Variants in BAZ2B observed in about 807,000 individuals in gnomAD.
BAZ2B encodes bromodomain adjacent to zinc finger domain 2B.
Under a neutral mutation model 246.0 loss-of-function variants are expected in BAZ2B, and 91 were observed. That is an observed-to-expected ratio of 0.37 (90% CI 0.31 to 0.44). BAZ2B has a LOEUF of 0.44. Ranked by LOEUF, BAZ2B falls within the 20% of genes least tolerant of loss-of-function variation. The pLI, the probability that BAZ2B is intolerant of heterozygous loss-of-function variation, is 1.00. For synonymous variants in BAZ2B, 855 were observed against 860.0 expected, an observed-to-expected ratio of 0.99 and a Z score of 0.10; for missense variants, 2,332 against 2,533.7, an observed-to-expected ratio of 0.92 and a Z score of 1.71.
the BAZ2B span, among the ~76,000 whole-genome samples, chr2:159,708,417 T>G: frequency 6.6e-6 from 1 of 152,208 alleles, no homozygotes; most frequent in Non-Finnish European, 1.5e-5. Flanking sequence ...AGGCCAGATA[T>G]TCTAGAGCAA....
chr2:159,462,418 A>G, intron 3 of BAZ2B: 1 of 1,266,768 alleles, frequency 7.9e-7, no homozygotes. Flanking sequence ...TTCTTTGCTA[A>G]TGTTGTAGCT....
chr2:159,680,813 A>T, the BAZ2B span, among the ~76,000 whole-genome samples: 5 of 152,160 alleles, frequency 3.3e-5, no homozygotes, highest in Admixed American at 3.3e-4. Flanking sequence ...TGTGCTACCA[A>T]CCTATTGCCC....
chr2:159,504,221 T>C (rs2082107929), intron 2 of BAZ2B, among the ~76,000 whole-genome samples: 1 of 152,144 alleles, frequency 6.6e-6, no homozygotes, highest in African/African-American at 2.4e-5. Context: ...TGCAGGTTAG[T>C]TACATATGTA....
chr2:159,352,312 T>C (rs2058650127), intron 27 of BAZ2B, among the ~76,000 whole-genome samples: 1 of 152,216 alleles, frequency 6.6e-6, no homozygotes, highest in African/African-American at 2.4e-5. Context: ...AGATTTTCTC[T>C]GATCACCTTA....
chr2:159,640,790 T>A, the BAZ2B span, among the ~76,000 whole-genome samples: 1 of 147,878 alleles, frequency 6.8e-6, no homozygotes, highest in African/African-American at 2.5e-5. Flanking sequence ...CTTAAAGAAC[T>A]GGAAAAGCTC....
intron 2 of BAZ2B, among the ~76,000 whole-genome samples, chr2:159,539,996 A>G (rs1336627168): frequency 6.6e-6 from 1 of 152,136 alleles, no homozygotes; most frequent in Admixed American, 6.5e-5. Flanking sequence ...GACTACCTGT[A>G]TATGCTATCA....
chr2:159,411,871 C>T, intron 14 of BAZ2B: 1 of 834,368 alleles, frequency 1.2e-6, no homozygotes, highest in African/African-American at 1.8e-5. Flanking sequence ...ATCTGGACTA[C>T]AGGAGAACCC....
chr2:159,557,770 A>G (rs1263291170), intron 1 of BAZ2B, among the ~76,000 whole-genome samples: 6 of 152,232 alleles, frequency 3.9e-5, no homozygotes, highest in Admixed American at 3.9e-4. Flanking sequence ...TCAAGTTCCT[A>G]CTGCATCCAG....
At chr2:159,345,056 A>G (rs900110464) in intron 31 of BAZ2B, among the ~76,000 whole-genome samples, 3 of 151,972 alleles carry the variant, frequency 2.0e-5, no homozygotes, top group Non-Finnish European at 2.9e-5. Context: ...CTAAAAATAC[A>G]GAAATTAGCT....
At chr2:159,546,604 T>G (rs540458316) in intron 2 of BAZ2B, among the ~76,000 whole-genome samples, 40 of 151,354 alleles carry the variant, frequency 2.6e-4, no homozygotes, top group Non-Finnish European at 5.3e-4. Context: ...TTTACAATAT[T>G]AAATCTATTT....
At chr2:159,437,165 A>G (rs1353011305) in intron 8 of BAZ2B, among the ~76,000 whole-genome samples, 1 of 152,224 alleles carries the variant, frequency 6.6e-6, no homozygotes, top group Non-Finnish European at 1.5e-5. Context: ...TAAAGATAAT[A>G]TTTGTAATAT....
the BAZ2B span, among the ~76,000 whole-genome samples, chr2:159,692,279 C>T: frequency 0.076 from 11,600 of 151,948 alleles, 926 homozygotes; most frequent in African/African-American, 0.2. Context: ...CTCAGCCTCC[C>T]GAGTAGCTGG....
intron 1 of BAZ2B, among the ~76,000 whole-genome samples, chr2:159,583,104 T>C (rs1239659671): frequency 1.8e-5 from 2 of 112,556 alleles, no homozygotes; most frequent in East Asian, 7.0e-4. Context: ...TATATTCTTT[T>C]TTCTTTTCTT....
intron 27 of BAZ2B, among the ~76,000 whole-genome samples, chr2:159,355,555 C>T (rs1027857032): frequency 1.3e-5 from 2 of 152,124 alleles, no homozygotes; most frequent in Non-Finnish European, 2.9e-5. Context: ...TAACCATATC[C>T]TAATACAAAA....
At chr2:159,326,441 GAT>G (rs1558952808) in intron 34 of BAZ2B, among the ~76,000 whole-genome samples, 4 of 152,102 alleles carry the variant, frequency 2.6e-5, no homozygotes, top group Non-Finnish European at 4.4e-5. Context: ...CTGGATAAAA[GAT>G]AACAGGTATT....
At chr2:159,432,615 T>C in intron 9 of BAZ2B, 142 bp downstream of exon 9, 1 of 1,139,000 alleles carries the variant, frequency 8.8e-7, no homozygotes, top group Non-Finnish European at 1.2e-6. Flanking sequence ...TCCTGTATTT[T>C]ATGAGCTCAT....
At position 159,548,626 on chromosome 2, in the gene BAZ2B, TA is replaced by T. The variant is rs560251946; in HGVS notation, c.-3+7196del. Among the ~76,000 whole-genome samples the T allele has an allele frequency of 4.7e-3, 715 of 152,268 alleles. 4 individuals carry two copies. Among genetic ancestry groups the T allele is most frequent in the African/African-American group, 0.016 (677 of 41,540 alleles). ...CCTCAACACATGTATCAAAATATATTATCAAAATTAAAAATATTTAATGATA... is the reference window on the plus strand; with the variant it reads ...CCTCAACACATGTATCAAAATATATTTCAAAATTAAAAATATTTAATGATA... On this transcript the variant is annotated intron_variant, in intron 2 of 36. Coordinates refer to ENST00000392783, the MANE Select transcript of BAZ2B (RefSeq NM_013450.4).
At chr2:159,526,548 A>G (rs939222123) in intron 2 of BAZ2B, among the ~76,000 whole-genome samples, 1 of 152,348 alleles carries the variant, frequency 6.6e-6, no homozygotes, top group Middle Eastern at 3.4e-3. Flanking sequence ...ACTTATATTA[A>G]CATAGATATA....
At chr2:159,377,225 C>A (rs1267051462) in intron 25 of BAZ2B, among the ~76,000 whole-genome samples, 1 of 152,114 alleles carries the variant, frequency 6.6e-6, no homozygotes, top group Non-Finnish European at 1.5e-5. Context: ...TACCAATACC[C>A]TACTTAAAAC....
Sources: gnomAD v4.1 joint callset for allele counts (sites outside exome capture counted in the v4.1 genomes callset) on GRCh38, gnomAD v4.1.1 for gene constraint, MANE v1.5 for transcripts, NCBI Gene and HGNC (gene_info 2026-07-23, HGNC 2026-07-21) for gene names.